Variants in GRIN2A observed in about 807,000 individuals in gnomAD.
The protein encoded by GRIN2A is glutamate ionotropic receptor NMDA type subunit 2A.
Under a neutral mutation model 113.4 loss-of-function variants are expected in GRIN2A, and 22 were observed. The observed-to-expected ratio is 0.19, with a 90% CI of 0.14 to 0.28. The LOEUF is 0.28. GRIN2A is among the 10% of genes least tolerant of loss of function. The pLI, the probability that GRIN2A is intolerant of heterozygous loss-of-function variation, is 1.00. For missense variants in GRIN2A, 1,502 were observed against 1,887.0 expected, an observed-to-expected ratio of 0.80 and a Z score of 3.78; for synonymous variants, 827 against 738.4, an observed-to-expected ratio of 1.12 and a Z score of -1.94.
At chr16:9,926,849 A>C (rs1596600168) in intron 3 of GRIN2A, among the ~76,000 whole-genome samples, 1 of 152,218 alleles carries the variant, frequency 6.6e-6, no homozygotes, top group Non-Finnish European at 1.5e-5. Context: ...TAAACAAAAA[A>C]TATAATTTTT....
chr16:9,867,022 T>C (rs917834), intron 4 of GRIN2A, among the ~76,000 whole-genome samples: 58,438 of 152,040 alleles, frequency 0.38, 12,728 homozygotes, highest in African/African-American at 0.6. Flanking sequence ...TTAGTCTATT[T>C]GTTCATGCCT....
At chr16:9,920,033 T>A (rs1267169534) in intron 3 of GRIN2A, among the ~76,000 whole-genome samples, 1 of 152,230 alleles carries the variant, frequency 6.6e-6, no homozygotes, top group African/African-American at 2.4e-5. Context: ...TCCCATCCCA[T>A]ATCAATAGCA....
intron 8 of GRIN2A, among the ~76,000 whole-genome samples, chr16:9,831,060 A>G (rs2042483183): frequency 6.6e-6 from 1 of 152,210 alleles, no homozygotes; most frequent in Admixed American, 6.5e-5. Flanking sequence ...TTTTCCCATA[A>G]AGTGCAGCGA....
intron 2 of GRIN2A, among the ~76,000 whole-genome samples, chr16:10,007,135 T>C (rs2046417623): frequency 1.3e-5 from 2 of 152,224 alleles, no homozygotes; most frequent in Non-Finnish European, 2.9e-5. Context: ...TTCCCCTTCT[T>C]TGGGTATATA....
chr16:9,827,655 C>T (rs1364270014), intron 9 of GRIN2A, among the ~76,000 whole-genome samples: 1 of 152,132 alleles, frequency 6.6e-6, no homozygotes, highest in African/African-American at 2.4e-5. Context: ...TGCCCAAAGG[C>T]AAAAATCTGC....
chr16:9,781,301 C>T (rs1476049106), intron 11 of GRIN2A, among the ~76,000 whole-genome samples: 3 of 152,150 alleles, frequency 2.0e-5, no homozygotes, highest in Non-Finnish European at 4.4e-5. Context: ...ATGCCTAATG[C>T]TGCTAGATAG....
chr16:9,980,133 C>A (rs2045863036), intron 2 of GRIN2A, among the ~76,000 whole-genome samples: 1 of 151,604 alleles, frequency 6.6e-6, no homozygotes, highest in Non-Finnish European at 1.5e-5. Context: ...ATTAGCTGGG[C>A]ATGGTGGTGC....
chr16:9,891,651 A>G (rs2043696814), intron 3 of GRIN2A, among the ~76,000 whole-genome samples: 1 of 152,188 alleles, frequency 6.6e-6, no homozygotes, highest in African/African-American at 2.4e-5. Context: ...GATACAAGGG[A>G]CGGGAGAGTA....
chr16:10,149,841 G>C (rs192876225), intron 2 of GRIN2A, among the ~76,000 whole-genome samples: 1 of 152,324 alleles, frequency 6.6e-6, no homozygotes, highest in African/African-American at 2.4e-5. Context: ...GACCCCTCCA[G>C]TGGTTTTCCA....
rs570803103 is a variant in GRIN2A, at chr16:9,814,958, T to C, written c.2168+7306A>G. 3.3e-5 allele frequency among the ~76,000 whole-genome samples: 5 copies of C among 150,656 alleles called. No homozygotes were observed. The South Asian group carries it at 1.1e-3, about 32-fold the overall frequency. ...ATCGCTTGAACCCGGAAGGCAGAGG[T>C]TGTGGTGAGCCGAGATTGTGCCATT... On this transcript the variant is annotated intron_variant, in intron 10 of 12. Transcript: ENST00000330684.
In GRIN2A at chr16:9,764,421, A is replaced by G. The variant is rs574425467; in HGVS notation, c.3123T>C (p.Asn1041=). ...TAGGGCTCTTTAGGGAGTGGGTCCT[A>G]TTCTCTGCTGTTGCCTCATCCCTCT... ...VSQRDEATAE[N]RTHSLKSPRY... The change falls in exon 13 of 13, where the codon AAT becomes AAC. Residue 1041 remains asparagine (N), a synonymous_variant. Transcript: ENST00000330684. The G allele has an allele frequency of 4.1e-5, 66 of 1,614,062 alleles. No individual in the cohort carries two copies. The South Asian group carries it at 6.6e-4, about 16-fold the overall frequency.
intron 2 of GRIN2A, among the ~76,000 whole-genome samples, chr16:10,157,646 T>G (rs998451339): frequency 6.6e-6 from 1 of 151,714 alleles, no homozygotes; most frequent in African/African-American, 2.4e-5. Flanking sequence ...TATAAAACTA[T>G]CAGATCTCAT....
chr16:9,915,512 T>A (rs2044231898), intron 3 of GRIN2A, among the ~76,000 whole-genome samples: 1 of 152,252 alleles, frequency 6.6e-6, no homozygotes, highest in African/African-American at 2.4e-5. Context: ...AATTACTTGT[T>A]TCTACTTATT....
chr16:10,049,101 T>C (rs1302489416), intron 2 of GRIN2A, among the ~76,000 whole-genome samples: 1 of 151,978 alleles, frequency 6.6e-6, no homozygotes, highest in African/African-American at 2.4e-5. Context: ...ACACACTCCA[T>C]ACTGAAATTA....
chr16:10,070,504 T>C (rs2047729034), intron 2 of GRIN2A, among the ~76,000 whole-genome samples: 1 of 151,048 alleles, frequency 6.6e-6, no homozygotes, highest in African/African-American at 2.4e-5. Flanking sequence ...ATGTCAGTTA[T>C]TTGTAATTAC....
At chr16:10,042,634 A>G (rs920563244) in intron 2 of GRIN2A, among the ~76,000 whole-genome samples, 2 of 152,200 alleles carry the variant, frequency 1.3e-5, no homozygotes, top group African/African-American at 4.8e-5. Context: ...TTTTGGGATG[A>G]TTTGTTATGC....
At chr16:10,018,005 C>T (rs542150103) in intron 2 of GRIN2A, among the ~76,000 whole-genome samples, 1 of 152,174 alleles carries the variant, frequency 6.6e-6, no homozygotes, top group African/African-American at 2.4e-5. Context: ...TTGTTTGGCA[C>T]CCTTTTAAAT....
chr16:9,810,440 C>T (rs1349069629), intron 10 of GRIN2A, among the ~76,000 whole-genome samples: 11 of 152,102 alleles, frequency 7.2e-5, no homozygotes, highest in Non-Finnish European at 1.2e-4. Context: ...AGAGTATGCC[C>T]TTATTTGAAA....
At position 9,753,846 on chromosome 16, in the gene GRIN2A, T is replaced by C; in HGVS notation, c.*9303A>G. The C allele has an allele frequency of 5.6e-6, 1 of 179,368 alleles. No individual in the cohort carries two copies. Among genetic ancestry groups the C allele is most frequent in the Non-Finnish European group, 1.2e-5 (1 of 83,660 alleles). 11.1% of individuals were successfully genotyped at this position (179,368 alleles called of 1,614,324 possible). On this transcript the variant is annotated 3_prime_UTR_variant, in exon 13 of 13. Coordinates refer to ENST00000330684, the MANE Select transcript of GRIN2A (RefSeq NM_001134407.3). The stretch of plus-strand genomic sequence containing the variant: ...ATACAAGACATCAAGTCAGTTCTGA[T>C]GTGGGTTTTGGATTCTGTTTGAATG...
Sources: allele counts gnomAD v4.1 joint callset (sites outside exome capture counted in the v4.1 genomes callset), GRCh38; gene constraint gnomAD v4.1.1; transcripts MANE v1.5; gene names NCBI Gene and HGNC (gene_info 2026-07-23, HGNC 2026-07-21).